Variants in BMPER observed in about 807,000 individuals in gnomAD.
The protein encoded by BMPER is BMP-binding endothelial regulator protein.
Under a neutral mutation model 87.3 loss-of-function variants are expected in BMPER, and 45 were observed. The observed-to-expected ratio is 0.52, with a 90% confidence interval of 0.41 to 0.66. BMPER has a LOEUF of 0.66. Among genes scored for constraint, BMPER ranks in the 30% least tolerant of loss-of-function variants. The pLI, the probability that BMPER is intolerant of heterozygous loss-of-function variation, is 0.00. For missense variants in BMPER, 784 were observed against 867.5 expected (o/e 0.90, Z 1.21); for synonymous variants, 326 against 316.2 (o/e 1.03, Z -0.33).
intron 3 of BMPER, among the ~76,000 whole-genome samples, chr7:33,941,283 C>T (rs1393090231): frequency 5.4e-5 from 8 of 148,266 alleles, no homozygotes; most frequent in Admixed American, 4.8e-4. Flanking sequence ...AATGGGGTCT[C>T]CTTAGCAAAG....
At chr7:33,955,511 C>T (rs756503050) in intron 3 of BMPER, among the ~76,000 whole-genome samples, 3 of 152,046 alleles carry the variant, frequency 2.0e-5, no homozygotes, top group Non-Finnish European at 4.4e-5. Flanking sequence ...TTTTCACAGG[C>T]CCCCTAGGAA....
chr7:34,092,853 T>C (rs183068702), intron 13 of BMPER, among the ~76,000 whole-genome samples: 18 of 152,380 alleles, frequency 1.2e-4, no homozygotes, highest in Admixed American at 4.6e-4. Context: ...AATCCTCTTA[T>C]GTTTAATTTT....
At chr7:34,121,505 C>G (rs1408936308) in intron 13 of BMPER, among the ~76,000 whole-genome samples, 2 of 152,170 alleles carry the variant, frequency 1.3e-5, no homozygotes, top group Non-Finnish European at 2.9e-5. Flanking sequence ...GTCTTCCACT[C>G]TTGAAGTTTA....
At chr7:34,071,254 A>G (rs952510464) in intron 11 of BMPER, among the ~76,000 whole-genome samples, 2 of 152,238 alleles carry the variant, frequency 1.3e-5, no homozygotes, top group East Asian at 3.8e-4. Context: ...CTAGACTTGC[A>G]TAACATTTAT....
In BMPER at chr7:34,037,415, T is replaced by C. The variant is rs560379041; in HGVS notation, c.577-8891T>C. On this transcript the variant is annotated intron_variant, in intron 6 of 14. Coordinates refer to ENST00000649409, the MANE Select transcript of BMPER (RefSeq NM_001365308.1). ...GCATCTAGCTGTGCTATTCACAGGC[T>C]GAGGCCTCACAGTGCCTGCTCTGTA... Among the ~76,000 whole-genome samples, 8 of 152,302 alleles carry C rather than the reference T, an allele frequency of 5.3e-5. No individual in the cohort carries two copies. The South Asian group carries it at 1.7e-3, about 32-fold the overall frequency.
At chr7:33,983,966 C>G (rs1395029062) in intron 6 of BMPER, among the ~76,000 whole-genome samples, 1 of 152,202 alleles carries the variant, frequency 6.6e-6, no homozygotes, top group African/African-American at 2.4e-5. Context: ...TACCAGATTT[C>G]AGCCTTGGGC....
rs373563430 is a variant in BMPER, at chr7:33,908,215, C to T, written c.219+1312C>T. On this transcript the variant is annotated intron_variant, in intron 2 of 14. Coordinates refer to ENST00000649409, the MANE Select transcript of BMPER (RefSeq NM_001365308.1). ...CAGTGTGTGTGTATGTGTGTTTAAT[C>T]TTCCTTTTTTATTTTTCTTATCTGT... 2.6e-3 allele frequency among the ~76,000 whole-genome samples: 390 copies of T among 152,128 alleles called. 1 individual carries two copies. Among genetic ancestry groups the T allele is most frequent in the African/African-American group, 8.2e-3 (340 of 41,512 alleles).
chr7:34,025,927 G>A (rs1295570005), intron 6 of BMPER, among the ~76,000 whole-genome samples: 1 of 152,048 alleles, frequency 6.6e-6, no homozygotes, highest in Non-Finnish European at 1.5e-5. Flanking sequence ...CAGCTCCAGG[G>A]AGTGTGTGAG....
At chr7:34,007,436 C>G (rs1786764352) in intron 6 of BMPER, among the ~76,000 whole-genome samples, 1 of 152,008 alleles carries the variant, frequency 6.6e-6, no homozygotes, top group South Asian at 2.1e-4. Flanking sequence ...TCTTAAATTT[C>G]TCTGGAGGTA....
intron 2 of BMPER, among the ~76,000 whole-genome samples, chr7:33,927,202 C>T (rs1784380188): frequency 6.6e-6 from 1 of 152,202 alleles, no homozygotes; most frequent in Non-Finnish European, 1.5e-5. Context: ...TTTGTAACTC[C>T]CAACAGCACG....
chr7:33,956,021 C>G (rs746812651), intron 3 of BMPER, among the ~76,000 whole-genome samples: 6 of 149,998 alleles, frequency 4.0e-5, no homozygotes, highest in Non-Finnish European at 8.9e-5. Context: ...GACAGACAAA[C>G]AAACAAACAA....
intron 6 of BMPER, among the ~76,000 whole-genome samples, chr7:34,024,632 T>G (rs1167247066): frequency 6.6e-6 from 1 of 151,246 alleles, no homozygotes; most frequent in Non-Finnish European, 1.5e-5. Flanking sequence ...TGCTCTTTCT[T>G]GATGTATCAG....
chr7:33,923,265 G>A (rs560776500), intron 2 of BMPER, among the ~76,000 whole-genome samples: 2 of 152,266 alleles, frequency 1.3e-5, no homozygotes, highest in East Asian at 3.9e-4. Context: ...TAAATTGAGA[G>A]ATTTTCCCTT....
At chr7:33,990,646 A>T (rs929937152) in intron 6 of BMPER, among the ~76,000 whole-genome samples, 1 of 151,212 alleles carries the variant, frequency 6.6e-6, no homozygotes, top group African/African-American at 2.4e-5. Context: ...GAACTTCCAA[A>T]ACTATGTTGA....
intron 3 of BMPER, among the ~76,000 whole-genome samples, chr7:33,945,206 G>A (rs1205188890): frequency 6.7e-6 from 1 of 149,556 alleles, no homozygotes; most frequent in African/African-American, 2.5e-5. Context: ...CTCCCAAAGT[G>A]CTGGGATTAC....
intron 13 of BMPER, among the ~76,000 whole-genome samples, chr7:34,140,945 T>C (rs1790849832): frequency 6.6e-6 from 1 of 152,092 alleles, no homozygotes; most frequent in African/African-American, 2.4e-5. Flanking sequence ...GAGCCGTGTA[T>C]ACAGAAAGAG....
At chr7:34,008,054 A>G (rs914661455) in intron 6 of BMPER, among the ~76,000 whole-genome samples, 1 of 152,050 alleles carries the variant, frequency 6.6e-6, no homozygotes. Flanking sequence ...TATTGAGTAT[A>G]GTTTAATATC....
At chr7:33,996,216 C>T (rs1209488671) in intron 6 of BMPER, among the ~76,000 whole-genome samples, 1 of 152,038 alleles carries the variant, frequency 6.6e-6, no homozygotes, top group African/African-American at 2.4e-5. Flanking sequence ...GAGAGTCCCA[C>T]CCCCATTTTT....
intron 13 of BMPER, among the ~76,000 whole-genome samples, chr7:34,108,470 A>C (rs1320736661): frequency 1.3e-5 from 2 of 152,224 alleles, no homozygotes; most frequent in East Asian, 3.8e-4. Context: ...CTTGGTCACC[A>C]ATCTTACTGG....
Sources: gnomAD v4.1 joint callset for allele counts (sites outside exome capture counted in the v4.1 genomes callset) on GRCh38, gnomAD v4.1.1 for gene constraint, MANE v1.5 for transcripts, NCBI Gene and HGNC (gene_info 2026-07-23, HGNC 2026-07-21) for gene names.